The following FRMPD2 variants were observed in gnomAD, a reference collection of about 807,000 sequenced individuals.
FRMPD2 encodes FERM and PDZ domain containing 2.
FRMPD2 carries 96 observed loss-of-function variants against 140.1 expected under a neutral mutation model. That is an observed-to-expected ratio of 0.69 (90% CI 0.58 to 0.81). The LOEUF (loss-of-function observed/expected upper bound fraction) is 0.81, where lower values mean the gene tolerates loss of function less well. FRMPD2 is among the 40% of genes least tolerant of loss of function. The probability of loss-of-function intolerance (pLI) is 0.00; values close to 1 mark genes in which losing one functional copy is unlikely to be tolerated. For missense variants in FRMPD2, 1,240 were observed against 1,447.4 expected, an observed-to-expected ratio of 0.86 and a Z score of 2.32; for synonymous variants, 449 against 547.6, an observed-to-expected ratio of 0.82 and a Z score of 2.52.
chr10:48,192,892 G>C lies in FRMPD2; in HGVS notation c.1957C>G (p.His653Asp), dbSNP rs1178870259. The C allele has an allele frequency of 6.2e-7, 1 of 1,612,074 alleles. No individual in the cohort carries two copies. Among genetic ancestry groups the C allele is most frequent in the South Asian group, 1.1e-5 (1 of 91,046 alleles). Residue 653 changes from histidine (H) to aspartate (D), a missense_variant and splice_region_variant, in exon 16 of 29, where the codon CAT (histidine) becomes GAT (aspartate). Physicochemically the swap from His to Asp is moderately conservative, Grantham distance 81. Coordinates refer to ENST00000374201, the MANE Select transcript of FRMPD2 (RefSeq NM_001018071.4). ...SGQPSHVLFDHDKFVQMANLS... is the reference protein window; with the variant it reads ...SGQPSHVLFDDDKFVQMANLS... ...TTGGCCATTTGCACAAACTTATCAT[G>C]GTCTGAATTTGGGGAGAAAAACATA...
intron 9 of FRMPD2, among the ~76,000 whole-genome samples, chr10:48,234,508 A>T (rs1839922643): frequency 6.6e-6 from 1 of 152,022 alleles, no homozygotes; most frequent in Non-Finnish European, 1.5e-5. Flanking sequence ...CAAGAACTCC[A>T]CTTGGAGGGA....
intron 15 of FRMPD2, among the ~76,000 whole-genome samples, chr10:48,200,502 G>C (rs542307046): frequency 6.6e-6 from 1 of 152,194 alleles, no homozygotes; most frequent in East Asian, 1.9e-4. Flanking sequence ...ACACACCTTT[G>C]TTTTATACCA....
At chr10:48,216,213 TAGAC>T (rs1243996531) in intron 12 of FRMPD2, among the ~76,000 whole-genome samples, 3 of 152,072 alleles carry the variant, frequency 2.0e-5, no homozygotes, top group Admixed American at 6.5e-5. Flanking sequence ...CATCTCTAGA[TAGAC>T]AGACAGAAAG....
At chr10:48,226,411 G>C (rs1432185706) in intron 10 of FRMPD2, among the ~76,000 whole-genome samples, 1 of 152,008 alleles carries the variant, frequency 6.6e-6, no homozygotes, top group Non-Finnish European at 1.5e-5. Flanking sequence ...TTCTCTCCAT[G>C]ACCACCAAGT....
At chr10:48,234,110 A>G (rs1271601582) in intron 9 of FRMPD2, among the ~76,000 whole-genome samples, 3 of 152,156 alleles carry the variant, frequency 2.0e-5, no homozygotes, top group Non-Finnish European at 4.4e-5. Flanking sequence ...GAGTCATGGG[A>G]AGGGAGCTTG....
chr10:48,239,171 CAGGA>C (rs1840040776), intron 7 of FRMPD2, among the ~76,000 whole-genome samples: 1 of 152,224 alleles, frequency 6.6e-6, no homozygotes, highest in South Asian at 2.1e-4. Context: ...GTCAAAAAGG[CAGGA>C]AGGCTTTCAG....
chr10:48,240,304 A>G, intron 6 of FRMPD2, 56 bp downstream of exon 6: 1 of 1,583,930 alleles, frequency 6.3e-7, no homozygotes, highest in Non-Finnish European at 8.6e-7. Context: ...CAGGGCAGGA[A>G]AAAATAGAAT....
rs1401289746 is a variant in FRMPD2 at position 48,168,165 on chromosome 10, A to G, written c.3537+430T>C. ...AAAAATCCCTATTTTCCTGATTCCA[A>G]TGGCTCTCTTCTTTGAACCAGACTG... On this transcript the variant is annotated intron_variant, in intron 27 of 28. Transcript: ENST00000374201. Among the ~76,000 whole-genome samples the G allele has an allele frequency of 1.0e-4, 14 of 139,584 alleles. 1 individual carries two copies. The highest frequency in any genetic ancestry group is 3.9e-4 in the African/African-American group (13 of 33,164). The allele number at this position is 139,584 out of a possible 152,430, so 91.6% of individuals were successfully genotyped here.
At chr10:48,199,251 T>C (rs1170157991) in intron 15 of FRMPD2, among the ~76,000 whole-genome samples, 2 of 149,252 alleles carry the variant, frequency 1.3e-5, no homozygotes, top group African/African-American at 5.0e-5. Flanking sequence ...AGTTGAAATT[T>C]TTCTGAAAAA....
intron 12 of FRMPD2, among the ~76,000 whole-genome samples, chr10:48,220,918 T>C (rs1232488257): frequency 6.6e-6 from 1 of 152,142 alleles, no homozygotes; most frequent in Non-Finnish European, 1.5e-5. Flanking sequence ...AGAACGGCCA[T>C]AACCAAAAAA....
intron 1 of FRMPD2, among the ~76,000 whole-genome samples, chr10:48,266,244 G>T (rs1313304059): frequency 6.6e-6 from 1 of 152,008 alleles, no homozygotes; most frequent in African/African-American, 2.4e-5. Context: ...AGGGAGAGGA[G>T]CACAAAAAAT....
At chr10:48,199,950 T>C (rs1162341781) in intron 15 of FRMPD2, 4 of 152,056 alleles carry the variant, frequency 2.6e-5, no homozygotes, top group African/African-American at 7.2e-5. Context: ...CTGGAGTAAT[T>C]ATTCTAGATA....
chr10:48,161,290 T>C (rs1837934403), intron 28 of FRMPD2, among the ~76,000 whole-genome samples: 1 of 150,232 alleles, frequency 6.7e-6, no homozygotes, highest in African/African-American at 2.5e-5. Flanking sequence ...CCTCCAAGAA[T>C]GACAGATTTT....
chr10:48,171,550 A>G (rs1198006830), intron 25 of FRMPD2, among the ~76,000 whole-genome samples: 1 of 152,304 alleles, frequency 6.6e-6, no homozygotes, highest in Non-Finnish European at 1.5e-5. Flanking sequence ...TTAATCCCAT[A>G]TATCTAAAAT....
intron 8 of FRMPD2, among the ~76,000 whole-genome samples, chr10:48,237,323 A>C (rs1323795254): frequency 2.6e-5 from 4 of 152,146 alleles, no homozygotes; most frequent in African/African-American, 9.7e-5. Flanking sequence ...ATCAGGAAGA[A>C]AAGCCAAAGG....
chr10:48,225,454 T>A (rs987149038), intron 10 of FRMPD2, among the ~76,000 whole-genome samples: 2 of 152,238 alleles, frequency 1.3e-5, no homozygotes, highest in East Asian at 3.8e-4. Context: ...CCTGACACTC[T>A]GTCTCCACTG....
intron 3 of FRMPD2, among the ~76,000 whole-genome samples, chr10:48,247,613 G>A (rs968821261): frequency 5.3e-5 from 8 of 152,198 alleles, no homozygotes; most frequent in Non-Finnish European, 1.0e-4. Context: ...GAGGGAAAAC[G>A]TATCCTCTTA....
chr10:48,223,460 A>G (rs1325679429), intron 10 of FRMPD2, among the ~76,000 whole-genome samples, 190 bp from the exon 11 acceptor site: 3 of 152,214 alleles, frequency 2.0e-5, no homozygotes, highest in Non-Finnish European at 2.9e-5. Flanking sequence ...GAAGGAGCAG[A>G]CAAAGAGGAG....
rs142980093 is a variant in FRMPD2 at position 48,244,910 on chromosome 10, A to C, written c.310-61T>G. 683 of 1,261,080 alleles carry C rather than the reference A, an allele frequency of 5.4e-4. 9 individuals carry two copies. In the East Asian group the frequency reaches 0.014, roughly 25 times the overall value. The allele number at this position is 1,261,080 out of a possible 1,614,324, so 78.1% of individuals were successfully genotyped here. On this transcript the variant is annotated intron_variant, in intron 3 of 28. Coordinates refer to ENST00000374201, the MANE Select transcript of FRMPD2 (RefSeq NM_001018071.4). Reference sequence around the variant, plus strand: ...CATCTCTGTTATTCCATGGCTCTGCAAGAAAAATACAATCCAATTTCCACA... The same window carrying C: ...CATCTCTGTTATTCCATGGCTCTGCCAGAAAAATACAATCCAATTTCCACA...
Sources: allele counts gnomAD v4.1 joint callset (sites outside exome capture counted in the v4.1 genomes callset), GRCh38; gene constraint gnomAD v4.1.1; transcripts MANE v1.5; gene names NCBI Gene and HGNC (gene_info 2026-07-23, HGNC 2026-07-21).